Variants in ATP2C1 observed in about 807,000 individuals in gnomAD.
ATP2C1 encodes calcium-transporting ATPase type 2C member 1.
Under a neutral mutation model 120.5 loss-of-function variants are expected in ATP2C1, and 31 were observed. That is an observed-to-expected ratio of 0.26 (90% CI 0.19 to 0.35). The LOEUF (loss-of-function observed/expected upper bound fraction) is 0.35. ATP2C1 is among the 10% of genes least tolerant of loss of function. The probability of loss-of-function intolerance (pLI) is 1.00; values close to 1 mark genes in which losing one functional copy is unlikely to be tolerated. For synonymous variants in ATP2C1, 351 were observed against 358.7 expected (o/e 0.98, Z 0.24); for missense variants, 731 against 1,107.5 (o/e 0.66, Z 4.83).
chr3:130,959,767 A>T (rs939925262), intron 12 of ATP2C1, among the ~76,000 whole-genome samples: 2 of 152,082 alleles, frequency 1.3e-5, no homozygotes, highest in African/African-American at 2.4e-5. Context: ...TCCATGAGAT[A>T]AATTGTTGTA....
intron 7 of ATP2C1, 30 bp downstream of exon 7, chr3:130,940,721 GC>G: frequency 1.3e-6 from 2 of 1,554,880 alleles, no homozygotes; most frequent in Non-Finnish European, 8.9e-7. Context: ...ATGGATTTCT[GC>G]CCCTTTAAAA....
intron 1 of ATP2C1, among the ~76,000 whole-genome samples, chr3:130,882,788 T>C (rs757217365): frequency 6.6e-6 from 1 of 152,212 alleles, no homozygotes; most frequent in Non-Finnish European, 1.5e-5. Flanking sequence ...GCATTAATAT[T>C]TATCAGAGAC....
At chr3:130,997,835 A>G in intron 25 of ATP2C1, 82 bp downstream of exon 25, 1 of 1,501,568 alleles carries the variant, frequency 6.7e-7, no homozygotes, top group Non-Finnish European at 9.2e-7. Flanking sequence ...TGGGTTACCC[A>G]GAAGGCTGGG....
intron 26 of ATP2C1, among the ~76,000 whole-genome samples, 154 bp downstream of exon 26, chr3:130,998,543 A>G (rs1156387081): frequency 6.6e-6 from 1 of 152,200 alleles, no homozygotes; most frequent in Non-Finnish European, 1.5e-5. Context: ...AACATGTGCC[A>G]TTGGTCACAA....
chr3:130,856,744 C>T (rs992175503), intron 1 of ATP2C1, among the ~76,000 whole-genome samples: 4 of 152,186 alleles, frequency 2.6e-5, no homozygotes, highest in East Asian at 3.8e-4. Context: ...GATTCTCTCC[C>T]TGCTGCATGT....
chr3:130,962,176 A>AAAAAG (rs2060850513), intron 12 of ATP2C1, among the ~76,000 whole-genome samples: 2 of 152,184 alleles, frequency 1.3e-5, no homozygotes, highest in South Asian at 4.1e-4. Context: ...GAAGGCTGGT[A>AAAAAG]TGAATATAAA....
At chr3:130,980,110 C>G (rs2061690790) in intron 19 of ATP2C1, among the ~76,000 whole-genome samples, 1 of 152,188 alleles carries the variant, frequency 6.6e-6, no homozygotes, top group Admixed American at 6.5e-5. Context: ...ATGATTACCA[C>G]AGATCCACCA....
intron 5 of ATP2C1, among the ~76,000 whole-genome samples, chr3:130,936,328 C>T (rs928231370): frequency 7.2e-5 from 11 of 152,068 alleles, no homozygotes; most frequent in Admixed American, 7.2e-4. Flanking sequence ...CGTGACATTA[C>T]AAAATCTGAA....
chr3:130,888,828 T>C (rs376405166), intron 1 of ATP2C1, among the ~76,000 whole-genome samples: 4 of 152,230 alleles, frequency 2.6e-5, no homozygotes, highest in African/African-American at 4.8e-5. Flanking sequence ...TGTGATGGTA[T>C]GCAGTTAGTT....
chr3:130,884,936 T>C (rs544575579), intron 1 of ATP2C1, among the ~76,000 whole-genome samples: 7 of 148,482 alleles, frequency 4.7e-5, no homozygotes, highest in East Asian at 1.9e-4. Context: ...CTTTCTTTTT[T>C]TTTTTTTTTT....
At position 131,001,238 on chromosome 3, in the gene ATP2C1, G is replaced by A; in HGVS notation, c.2648G>A (p.Gly883Asp). 6.2e-7 allele frequency: 1 copy of A among 1,613,590 alleles called. No homozygotes were observed. Among genetic ancestry groups the A allele is most frequent in the Non-Finnish European group, 8.5e-7 (1 of 1,179,800 alleles). ...CTTGCAGATCTGTTGTTTCTTTTGG[G>A]TCTCACCTCATCAGTGTGCATAGTG... ...LSILDLLFLL[G>D]LTSSVCIVAE... The change falls in exon 28 of 28, where the codon GGT (glycine) becomes GAT (aspartate). Residue 883 changes from glycine to aspartate, a missense_variant. By Grantham distance (94) the Gly-to-Asp change is moderately conservative. This residue lies in a region of ATP2C1 where 141 missense variants were observed against 201.6 expected (regional missense o/e 0.70). Coordinates refer to ENST00000510168, the MANE Select transcript of ATP2C1 (RefSeq NM_001378687.1).
chr3:130,862,052 C>A (rs968851768), intron 1 of ATP2C1, among the ~76,000 whole-genome samples: 2 of 152,006 alleles, frequency 1.3e-5, no homozygotes, highest in African/African-American at 4.8e-5. Context: ...TGGCTCACTG[C>A]AAGCTCCACC....
rs533323091 is a variant in ATP2C1 at position 130,908,204 on chromosome 3, C to T, written c.6+13429C>T. Among the ~76,000 whole-genome samples, 24 of 152,166 alleles carry T rather than the reference C, an allele frequency of 1.6e-4. No homozygotes were observed. In the East Asian group the frequency reaches 4.4e-3, roughly 28 times the overall value. On this transcript the variant is annotated intron_variant, in intron 2 of 27. Coordinates refer to ENST00000510168, the MANE Select transcript of ATP2C1 (RefSeq NM_001378687.1). ...AAAAATATGAACAACCAAAGTTTCACTTTCAGAAATGTATTCTGTACCTGT... is the reference window on the plus strand; with the variant it reads ...AAAAATATGAACAACCAAAGTTTCATTTTCAGAAATGTATTCTGTACCTGT...
At chr3:130,885,358 A>C (rs1332648903) in intron 1 of ATP2C1, among the ~76,000 whole-genome samples, 1 of 152,060 alleles carries the variant, frequency 6.6e-6, no homozygotes, top group Non-Finnish European at 1.5e-5. Context: ...TGATAAGTAG[A>C]GACTTTCTCT....
At chr3:130,900,884 T>C (rs2057789518) in intron 2 of ATP2C1, among the ~76,000 whole-genome samples, 1 of 152,188 alleles carries the variant, frequency 6.6e-6, no homozygotes, top group Non-Finnish European at 1.5e-5. Flanking sequence ...GATTTATATC[T>C]CTCTTTGTAT....
chr3:131,015,324 C>T (rs1485136522), intron 26 of ATP2C1: 3 of 657,494 alleles, frequency 4.6e-6, no homozygotes, highest in East Asian at 5.5e-5. Context: ...GAGAGACAAA[C>T]AAAACACAAT....
intron 2 of ATP2C1, among the ~76,000 whole-genome samples, chr3:130,924,556 T>C (rs1239483355): frequency 1.3e-5 from 2 of 152,202 alleles, no homozygotes; most frequent in Non-Finnish European, 2.9e-5. Context: ...GCCTGGGCCA[T>C]CTTTTTATGA....
chr3:131,003,610 T>C (rs1046555348), downstream of ATP2C1, among the ~76,000 whole-genome samples: 1 of 152,138 alleles, frequency 6.6e-6, no homozygotes, highest in African/African-American at 2.4e-5. Context: ...GTGCTGGACA[T>C]TGCATGACCC....
rs192595575 is a variant in ATP2C1, at chr3:130,901,867, G to A, written c.6+7092G>A. ...CTCATCTCAGGATTGTTTTGCCCCC[G>A]GGGGACATTTGGCAATGTTTAGAGA... On this transcript the variant is annotated intron_variant, in intron 2 of 27. Coordinates refer to ENST00000510168, the MANE Select transcript of ATP2C1 (RefSeq NM_001378687.1). 1.1e-3 allele frequency among the ~76,000 whole-genome samples: 167 copies of A among 152,094 alleles called. 1 individual carries two copies. Among genetic ancestry groups the A allele is most frequent in the Middle Eastern group, 6.8e-3 (2 of 294 alleles).
Sources: gnomAD v4.1 joint callset for allele counts (sites outside exome capture counted in the v4.1 genomes callset) on GRCh38, gnomAD v4.1.1 for gene constraint, gnomAD v4.1.1 regional missense constraint, MANE v1.5 for transcripts, NCBI Gene and HGNC (gene_info 2026-07-23, HGNC 2026-07-21) for gene names.